PPP6R2: variants seen among roughly 807,000 people sequenced by gnomAD.
PPP6R2 encodes serine/threonine-protein phosphatase 6 regulatory subunit 2.
In PPP6R2, 62 loss-of-function variants were observed where a neutral mutation model predicts 100.2. The observed-to-expected ratio is 0.62, with a 90% CI of 0.50 to 0.76. The LOEUF (loss-of-function observed/expected upper bound fraction) is 0.76, where lower values mean the gene tolerates loss of function less well. Ranked by LOEUF, PPP6R2 falls within the 30% of genes least tolerant of loss-of-function variation. The probability of loss-of-function intolerance (pLI) is 0.00; values close to 1 mark genes in which losing one functional copy is unlikely to be tolerated. For missense variants in PPP6R2, 1,142 were observed against 1,276.3 expected (o/e 0.89, Z 1.60); for synonymous variants, 525 against 514.7 (o/e 1.02, Z -0.27).
intron 4 of PPP6R2, among the ~76,000 whole-genome samples, chr22:50,408,030 C>G (rs2059218124): frequency 6.6e-6 from 1 of 152,094 alleles, no homozygotes; most frequent in Non-Finnish European, 1.5e-5. Flanking sequence ...ACTACAGGCA[C>G]ATAACACCAC....
intron 1 of PPP6R2, among the ~76,000 whole-genome samples, chr22:50,369,188 A>G (rs2049421157): frequency 6.6e-6 from 1 of 151,806 alleles, no homozygotes; most frequent in Admixed American, 6.6e-5. Flanking sequence ...TGGTGAGCCG[A>G]GATCACGCCA....
chr22:50,443,539 T>TG, intron 22 of PPP6R2: 1 of 330,412 alleles, frequency 3.0e-6, no homozygotes, highest in Non-Finnish European at 5.6e-6. Flanking sequence ...GTGTCCAGTG[T>TG]GAGGCTGAAG....
intron 10 of PPP6R2, among the ~76,000 whole-genome samples, chr22:50,428,672 G>T (rs750248930): frequency 6.6e-6 from 1 of 152,098 alleles, no homozygotes; most frequent in South Asian, 2.1e-4. Context: ...CCGAGATCAC[G>T]CCACTGTGTG....
intron 22 of PPP6R2, among the ~76,000 whole-genome samples, chr22:50,441,452 C>T (rs1021088071): frequency 4.6e-5 from 7 of 152,178 alleles, no homozygotes; most frequent in African/African-American, 1.7e-4. Context: ...GGGGCACAGA[C>T]TTTTAAGTCT....
intron 1 of PPP6R2, among the ~76,000 whole-genome samples, chr22:50,363,546 CTG>C (rs1252109786): frequency 1.3e-5 from 2 of 152,222 alleles, no homozygotes. Flanking sequence ...CACCTTTTCA[CTG>C]TGTTTCTTGG....
the PPP6R2 span, among the ~76,000 whole-genome samples, chr22:50,332,547 A>T: frequency 6.6e-6 from 1 of 150,886 alleles, no homozygotes; most frequent in South Asian, 2.1e-4. Flanking sequence ...GAAGATTTTT[A>T]GCTCTTATAT....
chr22:50,407,217 C>T (rs12162877), intron 4 of PPP6R2, among the ~76,000 whole-genome samples: 15,315 of 152,034 alleles, frequency 0.1, 1,239 homozygotes, highest in East Asian at 0.41. Context: ...CGTGGTGGTG[C>T]GCACCTGTCA....
chr22:50,421,820 A>G (rs2061377748), intron 8 of PPP6R2, among the ~76,000 whole-genome samples: 1 of 152,158 alleles, frequency 6.6e-6, no homozygotes, highest in South Asian at 2.1e-4. Context: ...GTGAGCTAAG[A>G]TCGCACCATC....
chr22:50,423,516 CG>C lies in PPP6R2; in HGVS notation c.1028del (p.Arg343LeufsTer53). 6.2e-7 allele frequency: 1 copy of C among 1,614,202 alleles called. No individual in the cohort carries two copies. Among genetic ancestry groups the C allele is most frequent in the Non-Finnish European group, 8.5e-7 (1 of 1,180,038 alleles). On this transcript the variant is annotated frameshift_variant, in exon 10 of 24. Coordinates refer to ENST00000612753, the MANE Select transcript of PPP6R2 (RefSeq NM_001242898.2). LOFTEE classifies it high-confidence loss of function. The surrounding 1 kb of genome is among the most constrained non-coding windows in gnomAD (Gnocchi z 4.8). Reference protein sequence around the residue: ...GVLEEPLGNARLHGARLMAAL... With the variant: ...GVLEEPLGNAXLHGARLMAAL... ...GCTGGAGGAGCCCCTGGGGAATGCCCGTCTGCATGGCGCCCGCCTCATGGCA... is the reference window on the plus strand; with the variant it reads ...GCTGGAGGAGCCCCTGGGGAATGCCCTCTGCATGGCGCCCGCCTCATGGCA...
At chr22:50,395,733 T>G (rs1302977085) in intron 3 of PPP6R2, among the ~76,000 whole-genome samples, 1 of 151,928 alleles carries the variant, frequency 6.6e-6, no homozygotes, top group African/African-American at 2.4e-5. Flanking sequence ...GCTAATTTAT[T>G]TTTGTATTTT....
chr22:50,412,194 A>T (rs1334038211), intron 4 of PPP6R2, among the ~76,000 whole-genome samples: 1 of 151,584 alleles, frequency 6.6e-6, no homozygotes, highest in East Asian at 1.9e-4. Context: ...AATAGAGGTT[A>T]TTTTTTCTTT....
chr22:50,441,089 C>CCCCAGGTCTCAGCTCCCCTGT, intron 22 of PPP6R2, 63 bp downstream of exon 22: 1 of 1,347,386 alleles, frequency 7.4e-7, no homozygotes, highest in South Asian at 1.4e-5. Context: ...CAGGCTCTGT[C>CCCCAGGTCTCAGCTCCCCTGT]CCCAGGTCTC....
chr22:50,350,840 G>A (rs946312353), intron 1 of PPP6R2, among the ~76,000 whole-genome samples: 10 of 114,222 alleles, frequency 8.8e-5, no homozygotes, highest in South Asian at 3.7e-4. Flanking sequence ...GCAAGACTCC[G>A]TCTCAAAAAA....
intron 2 of PPP6R2, among the ~76,000 whole-genome samples, chr22:50,386,436 C>T (rs536497349): frequency 1.3e-5 from 2 of 152,234 alleles, no homozygotes; most frequent in South Asian, 2.1e-4. Flanking sequence ...CCACTACGCC[C>T]GGCCTTAAGT....
Position 50,445,046 on chromosome 22 carries a change from C to T in PPP6R2, c.*799C>T, listed in dbSNP as rs1261557415. ...AATGTTCTGATCACCTGACAGGGCACCCCAAACCCCCAACTCCCAATAAAA... is the reference window on the plus strand; with the variant it reads ...AATGTTCTGATCACCTGACAGGGCATCCCAAACCCCCAACTCCCAATAAAA... On this transcript the variant is annotated 3_prime_UTR_variant, in exon 24 of 24. Transcript: ENST00000612753. 1 of 152,690 alleles carries T rather than the reference C, an allele frequency of 6.5e-6. No homozygotes were observed. The highest frequency in any genetic ancestry group is 1.5e-5 in the Non-Finnish European group (1 of 68,152). 9.5% of individuals were successfully genotyped at this position (152,690 alleles called of 1,614,324 possible). A position where few individuals can be genotyped will look rare whatever the true frequency, so the allele number is the denominator to read the frequency against.
At chr22:50,382,804 G>A (rs986370107) in intron 2 of PPP6R2, among the ~76,000 whole-genome samples, 1 of 151,812 alleles carries the variant, frequency 6.6e-6, no homozygotes, top group African/African-American at 2.4e-5. Flanking sequence ...TTGTCAGTGA[G>A]GGTGTGGGAA....
At chr22:50,427,928 G>A (rs1003734951) in intron 10 of PPP6R2, among the ~76,000 whole-genome samples, 1 of 152,218 alleles carries the variant, frequency 6.6e-6, no homozygotes, top group African/African-American at 2.4e-5. Flanking sequence ...CACCATATTA[G>A]CCAGGACGGT....
chr22:50,407,066 G>T (rs562562393), intron 4 of PPP6R2, among the ~76,000 whole-genome samples, 191 bp downstream of exon 4: 1 of 152,278 alleles, frequency 6.6e-6, no homozygotes, highest in East Asian at 1.9e-4. Context: ...AGTGTTTCTG[G>T]CTGGGTGCGG....
chr22:50,441,226 G>T (rs1387303086), intron 22 of PPP6R2, among the ~76,000 whole-genome samples, 200 bp downstream of exon 22: 2 of 152,208 alleles, frequency 1.3e-5, no homozygotes, highest in Non-Finnish European at 2.9e-5. Flanking sequence ...GAGGCCAGAT[G>T]GGAGAAGTGT....
Sources: gnomAD v4.1 joint callset for allele counts (sites outside exome capture counted in the v4.1 genomes callset) on GRCh38, gnomAD v4.1.1 for gene constraint, Gnocchi (gnomAD v3.1) non-coding constraint, MANE v1.5 for transcripts, NCBI Gene and HGNC (gene_info 2026-07-23, HGNC 2026-07-21) for gene names.